Variants in USP6NL observed in about 807,000 individuals in gnomAD.
USP6NL encodes USP6 N-terminal-like protein.
USP6NL carries 26 observed loss-of-function variants against 61.9 expected under a neutral mutation model. The observed-to-expected ratio is 0.42, with a 90% CI of 0.31 to 0.58. The LOEUF is 0.58. Ranked by LOEUF, USP6NL falls within the 20% of genes least tolerant of loss-of-function variation. The pLI, the probability that USP6NL is intolerant of heterozygous loss-of-function variation, is 0.16. For synonymous variants in USP6NL, 432 were observed against 390.1 expected, an observed-to-expected ratio of 1.11 and a Z score of -1.27; for missense variants, 1,114 against 1,034.3, an observed-to-expected ratio of 1.08 and a Z score of -1.06.
At position 11,485,708 on chromosome 10, in the gene USP6NL, T is replaced by C; in HGVS notation, c.759+109A>G. Reference sequence around the variant, plus strand: ...AATTATAACTGCATAGTAAATGAAATGGATGACACTATAAATTAATAAGGT... The same window carrying C: ...AATTATAACTGCATAGTAAATGAAACGGATGACACTATAAATTAATAAGGT... On this transcript the variant is annotated intron_variant, in intron 11 of 14. Transcript: ENST00000609104. This position sits in a 1 kb window ranked among gnomAD's most constrained non-coding sequence, Gnocchi z 4.8. 2.8e-6 allele frequency: 2 copies of C among 704,036 alleles called. No homozygotes were observed. The allele number at this position is 704,036 out of a possible 1,614,324, so 43.6% of individuals were successfully genotyped here. A position where few individuals can be genotyped will look rare whatever the true frequency, so the allele number is the denominator to read the frequency against.
rs929009431 is a variant in USP6NL at position 11,553,518 on chromosome 10, T to C, written c.5-25951A>G. 2.6e-5 allele frequency among the ~76,000 whole-genome samples: 4 copies of C among 152,218 alleles called. No individual in the cohort carries two copies. The highest frequency in any genetic ancestry group is 2.6e-4 in the Admixed American group (4 of 15,282). On this transcript the variant is annotated intron_variant, in intron 2 of 14. Transcript: ENST00000609104. The surrounding 1 kb of genome is among the most constrained non-coding windows in gnomAD (Gnocchi z 4.8). ...GGCTGAAAATCAATGTTCCTTAATA[T>C]ATTATGGGAATATATACTTACATCC...
chr10:11,558,633 C>G (rs1235488107), intron 2 of USP6NL, among the ~76,000 whole-genome samples: 5 of 152,178 alleles, frequency 3.3e-5, no homozygotes, highest in Non-Finnish European at 2.9e-5. Context: ...ACTTTTTCCT[C>G]AAACACACTT....
intron 2 of USP6NL, among the ~76,000 whole-genome samples, chr10:11,593,412 T>C (rs571810955): frequency 1.3e-5 from 2 of 152,358 alleles, no homozygotes; most frequent in Admixed American, 1.3e-4. Flanking sequence ...ACTTCTCTTG[T>C]GACCATTTAT....
chr10:11,560,939 T>C (rs921414329), intron 2 of USP6NL, among the ~76,000 whole-genome samples: 3 of 151,768 alleles, frequency 2.0e-5, no homozygotes, highest in Non-Finnish European at 4.4e-5. Flanking sequence ...GCAGATACAC[T>C]AATAATGTAC....
intron 7 of USP6NL, 24 bp from the exon 8 acceptor site, chr10:11,493,252 A>C (rs763831799): frequency 7.7e-6 from 12 of 1,566,570 alleles, no homozygotes; most frequent in African/African-American, 1.4e-5. Context: ...GAGAGAACAG[A>C]ACAGATTTTT....
chr10:11,592,219 T>C lies in USP6NL; in HGVS notation c.4+5412A>G, dbSNP rs932111708. On this transcript the variant is annotated intron_variant, in intron 2 of 14. Transcript: ENST00000609104. The surrounding 1 kb of genome is among the most constrained non-coding windows in gnomAD (Gnocchi z 4.7). ...AGCAAGTGGTCAAAAGAAGATAAAT[T>C]AGCTAAAAGCACAGTATATTCCACT... 6.6e-6 allele frequency among the ~76,000 whole-genome samples: 1 copy of C among 152,178 alleles called. No individual in the cohort carries two copies.
At chr10:11,556,830 TAG>T (rs1189881392) in intron 2 of USP6NL, among the ~76,000 whole-genome samples, 1 of 152,190 alleles carries the variant, frequency 6.6e-6, no homozygotes, top group Non-Finnish European at 1.5e-5. Flanking sequence ...TTGTAATACA[TAG>T]AGAGGTCAGA....
intron 14 of USP6NL, among the ~76,000 whole-genome samples, chr10:11,477,837 A>C (rs1833033127): frequency 6.6e-6 from 1 of 152,234 alleles, no homozygotes; most frequent in Non-Finnish European, 1.5e-5. Context: ...TAAAGGGAAA[A>C]AAATGATTAT....
intron 14 of USP6NL, among the ~76,000 whole-genome samples, chr10:11,477,394 A>T (rs1460727957): frequency 2.0e-5 from 3 of 152,190 alleles, no homozygotes; most frequent in African/African-American, 7.2e-5. Context: ...TTACATAAAT[A>T]TATTAAGAAA....
chr10:11,511,309 A>T lies in USP6NL; in HGVS notation c.196-1634T>A, dbSNP rs1038908000. Among the ~76,000 whole-genome samples, 2 of 152,232 alleles carry T rather than the reference A, an allele frequency of 1.3e-5. No homozygotes were observed. Among genetic ancestry groups the T allele is most frequent in the African/African-American group, 4.8e-5 (2 of 41,472 alleles). On this transcript the variant is annotated intron_variant, in intron 5 of 14. Transcript: ENST00000609104. This position sits in a 1 kb window ranked among gnomAD's most constrained non-coding sequence, Gnocchi z 4.9. ...TATATTATTAGTGATAAACTGTTGCAGATGGTTCCAGAAATATGTTTAATT... is the reference window on the plus strand; with the variant it reads ...TATATTATTAGTGATAAACTGTTGCTGATGGTTCCAGAAATATGTTTAATT...
chr10:11,533,944 C>T (rs980787776), intron 2 of USP6NL, among the ~76,000 whole-genome samples: 3 of 152,214 alleles, frequency 2.0e-5, no homozygotes, highest in Admixed American at 2.0e-4. Flanking sequence ...CTCTTCTTGA[C>T]TACCTCAGCC....
At chr10:11,550,111 C>T (rs151166264) in intron 2 of USP6NL, among the ~76,000 whole-genome samples, 111 of 152,232 alleles carry the variant, frequency 7.3e-4, no homozygotes, top group African/African-American at 2.5e-3. Flanking sequence ...TTGGCCTTTA[C>T]CTCAACAGTA....
At position 11,587,215 on chromosome 10, in the gene USP6NL, T is replaced by G. The variant is rs1259915389; in HGVS notation, c.4+10416A>C. On this transcript the variant is annotated intron_variant, in intron 2 of 14. Coordinates refer to ENST00000609104, the MANE Select transcript of USP6NL (RefSeq NM_014688.5). This position sits in a 1 kb window ranked among gnomAD's most constrained non-coding sequence, Gnocchi z 4.5. ...TCTGTTTATACTAAAATTAAAACAA[T>G]TATTATTTATTCAAAATTACAATTC... Among the ~76,000 whole-genome samples the G allele has an allele frequency of 1.3e-5, 2 of 152,186 alleles. No homozygotes were observed. Among genetic ancestry groups the G allele is most frequent in the African/African-American group, 4.8e-5 (2 of 41,442 alleles).
Position 11,478,176 on chromosome 10 carries a change from C to T in USP6NL, c.1078+3594G>A, listed in dbSNP as rs943485699. ...AAAGATACAACTATCCCCCATAGGA[C>T]GTGGCACCCCTGCTTTGACTCTGTT... is the stretch of plus-strand genomic sequence containing the variant. On this transcript the variant is annotated intron_variant, in intron 14 of 14. Coordinates refer to ENST00000609104, the MANE Select transcript of USP6NL (RefSeq NM_014688.5). This position sits in a 1 kb window ranked among gnomAD's most constrained non-coding sequence, Gnocchi z 6.8. Among the ~76,000 whole-genome samples the T allele has an allele frequency of 1.3e-5, 2 of 152,354 alleles. No homozygotes were observed. Among genetic ancestry groups the T allele is most frequent in the South Asian group, 2.1e-4 (1 of 4,832 alleles).
intron 5 of USP6NL, among the ~76,000 whole-genome samples, chr10:11,515,777 G>C (rs1331601704): frequency 6.6e-6 from 1 of 152,182 alleles, no homozygotes; most frequent in Non-Finnish European, 1.5e-5. Context: ...GTTGATGGGA[G>C]TCAGGCATGC....
chr10:11,605,760 A>G (rs1204174986), intron 1 of USP6NL, among the ~76,000 whole-genome samples: 1 of 152,214 alleles, frequency 6.6e-6, no homozygotes, highest in Non-Finnish European at 1.5e-5. Flanking sequence ...CCCAGGGAAG[A>G]GTAGATTAGA....
rs556901464 is a variant in USP6NL at position 11,463,530 on chromosome 10, G to A, written c.1398C>T (p.His466=). ...GPQDSSRQYN[H]AAANQNSNAT... ...CGTTGCTATTTTGGTTGGCAGCTGCGTGATTATATTGCCTGGAACTGTCCT... is the reference window on the plus strand; with the variant it reads ...CGTTGCTATTTTGGTTGGCAGCTGCATGATTATATTGCCTGGAACTGTCCT... Residue 466 remains histidine, a synonymous_variant, in exon 15 of 15, where the codon CAC becomes CAT. Coordinates refer to ENST00000609104, the MANE Select transcript of USP6NL (RefSeq NM_014688.5). The surrounding 1 kb of genome is among the most constrained non-coding windows in gnomAD (Gnocchi z 6.3). The A allele has an allele frequency of 3.1e-6, 5 of 1,614,028 alleles. No individual in the cohort carries two copies. Among genetic ancestry groups the A allele is most frequent in the Middle Eastern group, 3.3e-4 (2 of 6,062 alleles).
chr10:11,493,368 A>T, intron 7 of USP6NL, 140 bp from the exon 8 acceptor site: 1 of 668,060 alleles, frequency 1.5e-6, no homozygotes, highest in Non-Finnish European at 2.5e-6. Context: ...AACTATATAT[A>T]CAAAAAGGTA....
At chr10:11,484,844 T>C in intron 13 of USP6NL, 127 bp downstream of exon 13, 1 of 687,480 alleles carries the variant, frequency 1.5e-6, no homozygotes, top group Non-Finnish European at 2.3e-6. Context: ...ATTTCTCCAC[T>C]GATTTTCAAA....
Sources: allele counts gnomAD v4.1 joint callset (sites outside exome capture counted in the v4.1 genomes callset), GRCh38; gene constraint gnomAD v4.1.1; non-coding constraint Gnocchi (gnomAD v3.1); transcripts MANE v1.5; gene names NCBI Gene and HGNC (gene_info 2026-07-23, HGNC 2026-07-21).